FAM193A: variants seen among roughly 807,000 people sequenced by gnomAD.
FAM193A encodes protein FAM193A.
A neutral mutation model predicts 126.5 loss-of-function variants in FAM193A; 22 were observed. The ratio of observed to expected loss-of-function variants is 0.17; its 90% confidence interval spans 0.12 to 0.25. The LOEUF is 0.25. Among genes scored for constraint, FAM193A ranks in the 10% least tolerant of loss-of-function variants. The probability of loss-of-function intolerance (pLI) is 1.00; values close to 1 mark genes in which losing one functional copy is unlikely to be tolerated. For missense variants in FAM193A, 1,675 were observed against 1,672.8 expected (o/e 1.00, Z -0.02); for synonymous variants, 761 against 646.8 (o/e 1.18, Z -2.68).
chr4:2,581,505 G>A (rs937321104), intron 1 of FAM193A, among the ~76,000 whole-genome samples: 2 of 151,984 alleles, frequency 1.3e-5, no homozygotes, highest in Admixed American at 6.6e-5. Flanking sequence ...CCGCCTGTCT[G>A]GGCCTCCCAA....
intron 10 of FAM193A, among the ~76,000 whole-genome samples, chr4:2,662,214 T>A (rs1024786429): frequency 1.3e-5 from 2 of 152,138 alleles, no homozygotes; most frequent in African/African-American, 4.8e-5. Context: ...AAAATTAATT[T>A]CAGTAAATTT....
At chr4:2,682,656 C>G (rs1715285908) in intron 13 of FAM193A, among the ~76,000 whole-genome samples, 1 of 152,102 alleles carries the variant, frequency 6.6e-6, no homozygotes, top group South Asian at 2.1e-4. Flanking sequence ...GTTAGTATAT[C>G]AATTTTATTT....
chr4:2,649,210 CA>C (rs1261912210), intron 7 of FAM193A, among the ~76,000 whole-genome samples: 1 of 151,092 alleles, frequency 6.6e-6, no homozygotes, highest in South Asian at 2.1e-4. Context: ...CTTGTCTCTA[CA>C]AAAAATTAAA....
At chr4:2,642,888 A>C (rs990825290) in intron 6 of FAM193A, among the ~76,000 whole-genome samples, 1 of 151,758 alleles carries the variant, frequency 6.6e-6, no homozygotes. Flanking sequence ...GCCCGCCACC[A>C]CACCCGGCTA....
chr4:2,661,701 A>G (rs1015365625), intron 10 of FAM193A, among the ~76,000 whole-genome samples: 4 of 152,192 alleles, frequency 2.6e-5, no homozygotes, highest in Admixed American at 6.5e-5. Context: ...AGGAAGTGAG[A>G]TCACGACGAG....
intron 19 of FAM193A, among the ~76,000 whole-genome samples, chr4:2,707,851 C>G (rs934101528): frequency 1.3e-5 from 2 of 151,702 alleles, no homozygotes; most frequent in African/African-American, 4.8e-5. Context: ...TGGGTTCAAG[C>G]AGTTCTCATG....
chr4:2,713,769 C>T (rs181779234), intron 19 of FAM193A, among the ~76,000 whole-genome samples: 22 of 152,336 alleles, frequency 1.4e-4, no homozygotes, highest in Non-Finnish European at 2.6e-4. Flanking sequence ...TGGTGAAGCT[C>T]ATCCTCAGGC....
At chr4:2,621,887 AACTCC>A (rs1287682567) in intron 2 of FAM193A, among the ~76,000 whole-genome samples, 3 of 152,116 alleles carry the variant, frequency 2.0e-5, no homozygotes, top group Admixed American at 2.0e-4. Flanking sequence ...CTTCAGTCAG[AACTCC>A]ATGGCCTTCC....
At chr4:2,596,040 T>C in intron 1 of FAM193A, 44 bp from the exon 2 acceptor site, 1 of 670,568 alleles carries the variant, frequency 1.5e-6, no homozygotes, top group Non-Finnish European at 2.7e-6. Flanking sequence ...TTCTTGGCTT[T>C]GTAGATGAGG....
At chr4:2,678,606 G>T (rs550106312) in intron 13 of FAM193A, among the ~76,000 whole-genome samples, 1 of 151,778 alleles carries the variant, frequency 6.6e-6, no homozygotes, top group Non-Finnish European at 1.5e-5. Flanking sequence ...CAAGTGATCC[G>T]CCCGCCTCGG....
rs552524799 is a variant in FAM193A, at chr4:2,629,928, C to T, written c.804-1007C>T. Among the ~76,000 whole-genome samples the T allele has an allele frequency of 1.1e-4, 16 of 152,100 alleles. No homozygotes were observed. In the East Asian group the frequency reaches 2.3e-3, roughly 22 times the overall value. On this transcript the variant is annotated intron_variant, in intron 4 of 20. Transcript: ENST00000637812. ...CGGGCGGATCACAAGGTCAGGAGAT[C>T]GGGACCATCCTGGCTAACATGGTGA...
chr4:2,650,177 A>G (rs146267714), intron 7 of FAM193A, among the ~76,000 whole-genome samples: 36 of 152,342 alleles, frequency 2.4e-4, no homozygotes, highest in Non-Finnish European at 4.3e-4. Context: ...AAAGTGCACA[A>G]TAAATGTGAT....
chr4:2,543,123 T>A (rs1233290475), intron 1 of FAM193A, among the ~76,000 whole-genome samples: 2 of 151,604 alleles, frequency 1.3e-5, no homozygotes, highest in Non-Finnish European at 2.9e-5. Context: ...AGTCTCGCTC[T>A]GTCACCCAGG....
rs373437678 is a variant in FAM193A, at chr4:2,631,040, G to A, written c.909G>A (p.Ala303=). Residue 303 remains alanine (A), a synonymous_variant, in exon 5 of 21, where the codon GCG becomes GCA. Coordinates refer to ENST00000637812, the MANE Select transcript of FAM193A (RefSeq NM_001366318.2). The stretch of plus-strand genomic sequence containing the variant: ...GCCTGCTCCGGCAGCTGTCGGCTGC[G>A]GCCAAGGTGAAGGCACCATCTGGCC... ...KVRLLRQLSA[A]AKVKAPSGLQ... The A allele has an allele frequency of 2.5e-5, 40 of 1,613,384 alleles. No homozygotes were observed. Among genetic ancestry groups the A allele is most frequent in the Non-Finnish European group, 2.8e-5 (33 of 1,180,032 alleles).
intron 1 of FAM193A, among the ~76,000 whole-genome samples, chr4:2,588,417 A>G (rs572918455): frequency 6.6e-6 from 1 of 152,180 alleles, no homozygotes; most frequent in Non-Finnish European, 1.5e-5. Flanking sequence ...ATAAAAAAGC[A>G]AGTATTGCCT....
At chr4:2,548,679 A>G (rs879860605) in intron 1 of FAM193A, among the ~76,000 whole-genome samples, 1 of 149,956 alleles carries the variant, frequency 6.7e-6, no homozygotes, top group East Asian at 2.0e-4. Context: ...CTGGTCTTGA[A>G]CTTCTGACCT....
chr4:2,590,489 AAAAAAAC>A (rs1560464560), intron 1 of FAM193A, among the ~76,000 whole-genome samples: 12 of 90,660 alleles, frequency 1.3e-4, no homozygotes, highest in African/African-American at 6.2e-4. Context: ...AAAAAAACAA[AAAAAAAC>A]AAAAAAAAAC....
At chr4:2,560,396 G>C (rs1298987182) in intron 1 of FAM193A, among the ~76,000 whole-genome samples, 1 of 152,170 alleles carries the variant, frequency 6.6e-6, no homozygotes, top group African/African-American at 2.4e-5. Flanking sequence ...TGCCTGTCCT[G>C]GCTCGGCCAC....
At chr4:2,691,774 T>TAAA (rs370439634) in intron 15 of FAM193A, among the ~76,000 whole-genome samples, 2 of 136,404 alleles carry the variant, frequency 1.5e-5, no homozygotes, top group African/African-American at 5.7e-5. Flanking sequence ...ACCCCGTCTC[T>TAAA]AAAAAAAAAA....
Sources: gnomAD v4.1 joint callset for allele counts (sites outside exome capture counted in the v4.1 genomes callset) on GRCh38, gnomAD v4.1.1 for gene constraint, MANE v1.5 for transcripts, NCBI Gene and HGNC (gene_info 2026-07-23, HGNC 2026-07-21) for gene names.